Variants in LRBA observed in about 807,000 individuals in gnomAD.
LRBA encodes the protein LPS responsive beige-like anchor protein, also known as lipopolysaccharide-responsive and beige-like anchor protein.
LRBA carries 176 observed loss-of-function variants against 330.0 expected under a neutral mutation model. That is an observed-to-expected ratio of 0.53 (90% CI 0.47 to 0.60). The LOEUF is 0.60. LRBA is among the 20% of genes least tolerant of loss of function. The pLI is 0.00. For missense variants in LRBA, 3,259 were observed against 3,444.8 expected, an observed-to-expected ratio of 0.95 and a Z score of 1.35; for synonymous variants, 1,230 against 1,193.0, an observed-to-expected ratio of 1.03 and a Z score of -0.64.
intron 46 of LRBA, among the ~76,000 whole-genome samples, chr4:150,426,318 G>A (rs1749604354): frequency 6.6e-6 from 1 of 151,806 alleles, no homozygotes; most frequent in South Asian, 2.1e-4. Flanking sequence ...ATATTATGTG[G>A]TTTTTAGATA....
Position 150,808,403 on chromosome 4 carries a change from A to G in LRBA, c.5306-5T>C. 1.3e-6 allele frequency: 2 copies of G among 1,564,174 alleles called. No individual in the cohort carries two copies. Among genetic ancestry groups the G allele is most frequent in the Non-Finnish European group, 8.8e-7 (1 of 1,136,608 alleles). ...TTGCATTAGATGATCTACTGCCTAT[A>G]AAAGAAAAATAACCATCTATAGGAA... On this transcript the variant is annotated splice_polypyrimidine_tract_variant and splice_region_variant and intron_variant, in intron 31 of 56. Coordinates refer to ENST00000651943, the MANE Select transcript of LRBA (RefSeq NM_001364905.1).
At chr4:150,685,420 A>ATTTTTTTT (rs70941424) in intron 36 of LRBA, among the ~76,000 whole-genome samples, 4 of 17,440 alleles carry the variant, frequency 2.3e-4, no homozygotes, top group Admixed American at 2.7e-3. Flanking sequence ...ATATATATAT[A>ATTTTTTTT]TTTTTTTTTT....
chr4:150,312,881 G>A (rs911364000), intron 51 of LRBA, among the ~76,000 whole-genome samples: 2 of 151,860 alleles, frequency 1.3e-5, no homozygotes, highest in African/African-American at 4.8e-5. Flanking sequence ...CTGCTCAGAG[G>A]TTCCATCTAT....
At chr4:150,768,834 A>G (rs1179511582) in intron 34 of LRBA, among the ~76,000 whole-genome samples, 2 of 152,106 alleles carry the variant, frequency 1.3e-5, no homozygotes, top group African/African-American at 4.8e-5. Context: ...TGAGGAAAAG[A>G]AGATTAAAGA....
chr4:150,767,572 A>G (rs1236136254), intron 34 of LRBA, among the ~76,000 whole-genome samples: 1 of 151,958 alleles, frequency 6.6e-6, no homozygotes, highest in African/African-American at 2.4e-5. Context: ...ATCCTGGCCA[A>G]CACGGTGAAA....
chr4:150,582,386 CT>C (rs1306623650), intron 40 of LRBA: 3 of 151,832 alleles, frequency 2.0e-5, no homozygotes, highest in Non-Finnish European at 4.4e-5. Context: ...CACGCTGAGA[CT>C]GTGGGGCGTC....
At chr4:150,277,678 T>C (rs183727053) in intron 56 of LRBA, among the ~76,000 whole-genome samples, 175 bp downstream of exon 56, 43 of 152,262 alleles carry the variant, frequency 2.8e-4, no homozygotes, top group African/African-American at 1.0e-3. Context: ...AAATTTTTTT[T>C]TTCTGTAGAG....
chr4:150,549,294 G>A (rs1411834837), intron 40 of LRBA, among the ~76,000 whole-genome samples: 4 of 151,544 alleles, frequency 2.6e-5, no homozygotes, highest in South Asian at 2.1e-4. Flanking sequence ...ATTCTGTCAT[G>A]TAGAATAATT....
chr4:150,438,585 T>A (rs1751434577), intron 44 of LRBA, among the ~76,000 whole-genome samples: 1 of 152,132 alleles, frequency 6.6e-6, no homozygotes, highest in Admixed American at 6.6e-5. Context: ...AGTTAATCAC[T>A]CCTTATTTAT....
At chr4:150,592,872 A>G (rs1200517320) in intron 38 of LRBA, among the ~76,000 whole-genome samples, 1 of 152,090 alleles carries the variant, frequency 6.6e-6, no homozygotes, top group East Asian at 1.9e-4. Context: ...GGCTCAAGCA[A>G]TCCTACCACC....
At chr4:150,602,757 T>C (rs979048731) in intron 37 of LRBA, among the ~76,000 whole-genome samples, 1 of 152,214 alleles carries the variant, frequency 6.6e-6, no homozygotes, top group Non-Finnish European at 1.5e-5. Context: ...AATTTATTAA[T>C]AACATAGTGA....
At chr4:150,394,869 A>C (rs1299437269) in intron 47 of LRBA, among the ~76,000 whole-genome samples, 4 of 152,198 alleles carry the variant, frequency 2.6e-5, no homozygotes, top group Non-Finnish European at 5.9e-5. Context: ...AATCCCACCC[A>C]AGACCAGTGA....
rs144382204 is a variant in LRBA at position 150,908,776 on chromosome 4, T to C, written c.1243A>G (p.Ser415Gly). Residue 415 changes from serine (S) to glycine (G), a missense_variant, in exon 10 of 57, where the codon AGT becomes GGT. Ser to Gly is a moderately conservative substitution (Grantham distance 56). Coordinates refer to ENST00000651943, the MANE Select transcript of LRBA (RefSeq NM_001364905.1). ...GGATTGTACGTGAATGCAATGGCACTAGAGAGTTTCCCATCGTACAATAAA... is the reference window on the plus strand; with the variant it reads ...GGATTGTACGTGAATGCAATGGCACCAGAGAGTTTCCCATCGTACAATAAA... ...KLLLYDGKLS[S>G]AIAFTYNPRA... The C allele has an allele frequency of 6.2e-7, 1 of 1,613,812 alleles. No homozygotes were observed. The highest frequency in any genetic ancestry group is 8.5e-7 in the Non-Finnish European group (1 of 1,179,746).
At position 150,827,597 on chromosome 4, in the gene LRBA, T is replaced by G. The variant is rs527370415; in HGVS notation, c.5171+583A>C. On this transcript the variant is annotated intron_variant, in intron 30 of 56. Transcript: ENST00000651943. ...ATTTTTTTCTTCCTTATGATTTCTT[T>G]TTTTTTCTTTTTTTTTTTTTAGACA... Among the ~76,000 whole-genome samples the G allele has an allele frequency of 1.9e-3, 285 of 151,914 alleles. 3 individuals carry two copies. The highest frequency in any genetic ancestry group is 6.6e-3 in the African/African-American group (273 of 41,388).
intron 18 of LRBA, among the ~76,000 whole-genome samples, chr4:150,871,656 C>T (rs974531628): frequency 2.6e-5 from 4 of 151,380 alleles, no homozygotes; most frequent in African/African-American, 9.7e-5. Flanking sequence ...TAAGCATAGC[C>T]GAAGTTAAAA....
chr4:150,559,791 TA>T lies in LRBA; in HGVS notation c.6330+28256del, dbSNP rs1767951083. ...TATATATATTATATTATATTATATATAATTATAATATGTTATATATAATAAT... is the reference window on the plus strand; with the variant it reads ...TATATATATTATATTATATTATATATATTATAATATGTTATATATAATAAT... On this transcript the variant is annotated intron_variant, in intron 40 of 56. Coordinates refer to ENST00000651943, the MANE Select transcript of LRBA (RefSeq NM_001364905.1). Among the ~76,000 whole-genome samples the T allele has an allele frequency of 4.8e-5, 4 of 83,050 alleles. No individual in the cohort carries two copies. In the South Asian group the frequency reaches 1.1e-3, roughly 23 times the overall value. 54.5% of individuals were successfully genotyped at this position (83,050 alleles called of 152,430 possible).
intron 22 of LRBA, among the ~76,000 whole-genome samples, chr4:150,857,759 G>A (rs1180281005): frequency 6.6e-6 from 1 of 152,060 alleles, no homozygotes; most frequent in African/African-American, 2.4e-5. Flanking sequence ...TTTGGAGAAT[G>A]CCAGAATATA....
chr4:150,874,721 G>A (rs1168052066), intron 17 of LRBA, among the ~76,000 whole-genome samples: 3 of 152,044 alleles, frequency 2.0e-5, no homozygotes, highest in Middle Eastern at 3.4e-3. Flanking sequence ...CCCACCCTTC[G>A]TAGACACAGA....
chr4:150,674,308 C>A (rs1043020011), intron 37 of LRBA, among the ~76,000 whole-genome samples: 1 of 151,108 alleles, frequency 6.6e-6, no homozygotes, highest in Non-Finnish European at 1.5e-5. Context: ...TAAGAATGAT[C>A]CTGACCCAAG....
Sources: gnomAD v4.1 joint callset for allele counts (sites outside exome capture counted in the v4.1 genomes callset) on GRCh38, gnomAD v4.1.1 for gene constraint, MANE v1.5 for transcripts, NCBI Gene and HGNC (gene_info 2026-07-23, HGNC 2026-07-21) for gene names.